ATAD2: variants seen among roughly 807,000 people sequenced by gnomAD.
ATAD2 encodes ATPase family AAA domain containing 2.
A neutral mutation model predicts 168.9 loss-of-function variants in ATAD2; 62 were observed. The ratio of observed to expected loss-of-function variants is 0.37; its 90% CI spans 0.30 to 0.45. The LOEUF is 0.45. Ranked by LOEUF, ATAD2 falls within the 20% of genes least tolerant of loss-of-function variation. The pLI is 1.00. For missense variants in ATAD2, 1,419 were observed against 1,667.8 expected (o/e 0.85, Z 2.60); for synonymous variants, 613 against 571.6 (o/e 1.07, Z -1.03).
intron 14 of ATAD2, 145 bp downstream of exon 14, chr8:123,349,140 A>G: frequency 1.4e-6 from 1 of 704,332 alleles, no homozygotes; most frequent in African/African-American, 1.8e-5. Context: ...AAGAATAAAA[A>G]TTTGTCCCCA....
chr8:123,351,096 G>T (rs1367570217), intron 13 of ATAD2, among the ~76,000 whole-genome samples: 1 of 152,096 alleles, frequency 6.6e-6, no homozygotes, highest in Non-Finnish European at 1.5e-5. Flanking sequence ...TTCACAGGAA[G>T]ATACCACGTA....
chr8:123,328,401 T>A lies in ATAD2; in HGVS notation c.3657A>T (p.Gly1219=). 1 of 1,605,294 alleles carries A rather than the reference T, an allele frequency of 6.2e-7. No individual in the cohort carries two copies. The highest frequency in any genetic ancestry group is 8.5e-7 in the Non-Finnish European group (1 of 1,177,010). ...SVDHNETGNT[G]ESSVEENEKQ... is the part of the protein sequence containing the mutation. ...TTTCATTTTCTTCCACCGAAGACTCTCCTGTGTTTCCGGTCTCATTATGAT... is the reference window on the plus strand; with the variant it reads ...TTTCATTTTCTTCCACCGAAGACTCACCTGTGTTTCCGGTCTCATTATGAT... The change falls in exon 25 of 28, where the codon GGA becomes GGT. Residue 1219 remains glycine, a synonymous_variant. Transcript: ENST00000287394.
chr8:123,389,152 A>G (rs146466561), intron 1 of ATAD2, among the ~76,000 whole-genome samples: 1,100 of 86,238 alleles, frequency 0.013, 16 homozygotes, highest in African/African-American at 0.04. Flanking sequence ...TTTTTTTTGT[A>G]TTTTTAGTAG....
chr8:123,397,579 G>T (rs943876629), upstream of ATAD2, among the ~76,000 whole-genome samples: 3 of 152,132 alleles, frequency 2.0e-5, no homozygotes, highest in African/African-American at 7.2e-5. Flanking sequence ...ATAAACGAAA[G>T]CTATTTATTG....
intron 16 of ATAD2, 101 bp downstream of exon 16, chr8:123,346,991 T>C (rs575568149): frequency 1.5e-6 from 2 of 1,312,082 alleles, no homozygotes; most frequent in African/African-American, 1.5e-5. Flanking sequence ...CCAAATTCTT[T>C]TCAAGAGATT....
intron 21 of ATAD2, among the ~76,000 whole-genome samples, chr8:123,336,887 T>C (rs963883363): frequency 4.6e-5 from 7 of 151,628 alleles, no homozygotes; most frequent in African/African-American, 1.5e-4. Flanking sequence ...ATGCCTGTAA[T>C]CCCCAGCACT....
Position 123,325,908 on chromosome 8 carries a change from A to T in ATAD2, c.3987T>A (p.Asp1329Glu), listed in dbSNP as rs760399702. Residue 1329 changes from aspartate to glutamate, a missense_variant, in exon 26 of 28, where the codon GAT (aspartate) becomes GAA (glutamate). By Grantham distance (45) the Asp-to-Glu change is conservative. Transcript: ENST00000287394. ...ATTTACATACTTTTAATCGCTCATGATCCACAACAAGTGAGGGTGTAGGCT... is the reference window on the plus strand; with the variant it reads ...ATTTACATACTTTTAATCGCTCATGTTCCACAACAAGTGAGGGTGTAGGCT... ...LSQPTPSLVV[D>E]HERLKNLLKT... 1.9e-5 allele frequency: 31 copies of T among 1,614,040 alleles called. No homozygotes were observed. The East Asian group carries it at 6.9e-4, about 36-fold the overall frequency.
upstream of ATAD2, chr8:123,396,505 T>C (rs1812842408): frequency 2.1e-5 from 16 of 775,788 alleles, no homozygotes; most frequent in South Asian, 3.0e-4. Context: ...CCCTCCGCCG[T>C]CTGTCCCGCC....
chr8:123,389,978 ATATATATT>A (rs1334843964), intron 1 of ATAD2, among the ~76,000 whole-genome samples: 31 of 116,242 alleles, frequency 2.7e-4, no homozygotes, highest in South Asian at 1.6e-3. Flanking sequence ...ATATATATAT[ATATATATT>A]TTTTTTTTTT....
At chr8:123,345,168 T>C in intron 18 of ATAD2, 99 bp from the exon 19 acceptor site, 2 of 1,063,716 alleles carry the variant, frequency 1.9e-6, no homozygotes, top group South Asian at 2.5e-5. Flanking sequence ...AGGAGTAACA[T>C]ATAAAGTCCT....
chr8:123,396,425 G>A lies in ATAD2; in HGVS notation c.-68C>T, dbSNP rs1375596026. ...TCCAGCTCCAGGCGCTCGCAGCTCT[G>A]GCTCTTCCGCGCTCCGAATTCTGGC... On this transcript the variant is annotated 5_prime_UTR_variant, in exon 1 of 28. Coordinates refer to ENST00000287394, the MANE Select transcript of ATAD2 (RefSeq NM_014109.4). The A allele has an allele frequency of 8.5e-6, 12 of 1,418,672 alleles. No individual in the cohort carries two copies. The highest frequency in any genetic ancestry group is 5.3e-5 in the East Asian group (2 of 37,608). The allele number at this position is 1,418,672 out of a possible 1,614,324, so 87.9% of individuals were successfully genotyped here.
At chr8:123,339,584 G>A (rs1217206941) in intron 19 of ATAD2, 138 bp from the exon 20 acceptor site, 14 of 789,748 alleles carry the variant, frequency 1.8e-5, no homozygotes, top group Middle Eastern at 7.5e-4. Context: ...CTTAACAATC[G>A]GGTTATGTCC....
chr8:123,360,195 A>G (rs1451459285), intron 9 of ATAD2, among the ~76,000 whole-genome samples: 2 of 152,242 alleles, frequency 1.3e-5, no homozygotes, highest in Non-Finnish European at 2.9e-5. Flanking sequence ...TGGCAGGGCC[A>G]GGAATCAAAC....
At chr8:123,373,231 G>A (rs908727106) in intron 2 of ATAD2, among the ~76,000 whole-genome samples, 1 of 151,342 alleles carries the variant, frequency 6.6e-6, no homozygotes, top group Non-Finnish European at 1.5e-5. Context: ...GGGGCGGGGG[G>A]GGTCTCGCTT....
chr8:123,359,046 TAA>T (rs927541346), intron 11 of ATAD2, among the ~76,000 whole-genome samples, 173 bp downstream of exon 11: 8 of 152,130 alleles, frequency 5.3e-5, no homozygotes, highest in South Asian at 2.1e-4. Context: ...TACTAATTTT[TAA>T]AAGTTTATTT....
In ATAD2 at chr8:123,401,548, G is replaced by A. The variant is rs554245616; in HGVS notation, c.-2281-373C>T. 1.9e-5 allele frequency: 29 copies of A among 1,541,000 alleles called. No individual in the cohort carries two copies. In the South Asian group the frequency reaches 3.4e-4, roughly 18 times the overall value. ...GTGGACGGGCTGTGTGTGGGCATAGGCTGCGGCTCCCTCTGCATCACCCAG... is the reference window on the plus strand; with the variant it reads ...GTGGACGGGCTGTGTGTGGGCATAGACTGCGGCTCCCTCTGCATCACCCAG... On this transcript the variant is annotated intron_variant, in intron 1 of 28. Coordinates refer to the ATAD2 transcript ENST00000521903.
intron 21 of ATAD2, 33 bp downstream of exon 21, chr8:123,337,592 A>C: frequency 6.5e-7 from 1 of 1,536,846 alleles, no homozygotes; most frequent in Non-Finnish European, 8.8e-7. Context: ...ATTATGGCCT[A>C]GAATACACTT....
chr8:123,320,955 T>C lies in ATAD2; in HGVS notation c.*179A>G. ...AAGTTCCAATATTTATCAGTTATCT[T>C]ACACATGACATTTATCTTAATATGT... On this transcript the variant is annotated 3_prime_UTR_variant, in exon 28 of 28. Transcript: ENST00000287394. 1.7e-6 allele frequency: 1 copy of C among 578,706 alleles called. No individual in the cohort carries two copies. The highest frequency in any genetic ancestry group is 2.9e-6 in the Non-Finnish European group (1 of 340,810). 35.8% of individuals were successfully genotyped at this position (578,706 alleles called of 1,614,324 possible). A position where few individuals can be genotyped will look rare whatever the true frequency, so the allele number is the denominator to read the frequency against.
At position 123,344,975 on chromosome 8, in the gene ATAD2, G is replaced by A. The variant is rs779110614; in HGVS notation, c.2627C>T (p.Thr876Ile). The A allele has an allele frequency of 6.2e-7, 1 of 1,613,860 alleles. No individual in the cohort carries two copies. Among genetic ancestry groups the A allele is most frequent in the South Asian group, 1.1e-5 (1 of 91,086 alleles). Residue 876 changes from threonine (T) to isoleucine (I), a missense_variant, in exon 19 of 28, where the codon ACA becomes ATA. Coordinates refer to ENST00000287394, the MANE Select transcript of ATAD2 (RefSeq NM_014109.4). ...AATATTCTGTAATAATGTGGTAAAT[G>A]TGGCTTTAAGTGTCGGTCCAACTAT... Reference protein sequence around the residue: ...WEIVGPTLKATFTTLLQNIPS... With the variant: ...WEIVGPTLKAIFTTLLQNIPS...
Sources: allele counts gnomAD v4.1 joint callset (sites outside exome capture counted in the v4.1 genomes callset), GRCh38; gene constraint gnomAD v4.1.1; transcripts MANE v1.5; gene names NCBI Gene and HGNC (gene_info 2026-07-23, HGNC 2026-07-21).